ATP2C2: variants seen among roughly 807,000 people sequenced by gnomAD.
ATP2C2 encodes calcium-transporting ATPase type 2C member 2.
ATP2C2 carries 171 observed loss-of-function variants against 110.8 expected under a neutral mutation model. The ratio of observed to expected loss-of-function variants is 1.54; its 90% CI spans 1.36 to 1.75. ATP2C2 has a LOEUF of 1.75. ATP2C2 is among the 40% of genes most tolerant of loss of function. The pLI, the probability that ATP2C2 is intolerant of heterozygous loss-of-function variation, is 0.00. For synonymous variants in ATP2C2, 804 were observed against 508.4 expected (o/e 1.58, Z -7.82); for missense variants, 1,963 against 1,235.0 (o/e 1.59, Z -8.84).
intron 20 of ATP2C2, 57 bp downstream of exon 20, chr16:84,453,428 T>TTTTTTAACAGTTGCCA: frequency 6.2e-7 from 1 of 1,603,978 alleles, no homozygotes; most frequent in Non-Finnish European, 8.5e-7. Context: ...AGAGACACTG[T>TTTTTTAACAGTTGCCA]GGCTCGAGGA....
chr16:84,438,961 A>G (rs545167687), intron 11 of ATP2C2: 2 of 593,208 alleles, frequency 3.4e-6, no homozygotes, highest in African/African-American at 1.8e-5. Context: ...TCCCTTCCCA[A>G]GAGCGGGGTC....
chr16:84,388,235 G>C (rs147957950), intron 1 of ATP2C2, among the ~76,000 whole-genome samples: 1 of 152,118 alleles, frequency 6.6e-6, no homozygotes, highest in South Asian at 2.1e-4. Context: ...TGAGGCAAGA[G>C]AATGGCTTGA....
Position 84,446,321 on chromosome 16 carries a change from T to C in ATP2C2, c.1402-8T>C. ...ACTCACTAAAAATGTGTCATTTTATTATGCTAGATGGACTTAAGTGATATT... is the reference window on the plus strand; with the variant it reads ...ACTCACTAAAAATGTGTCATTTTATCATGCTAGATGGACTTAAGTGATATT... On this transcript the variant is annotated splice_region_variant and splice_polypyrimidine_tract_variant and intron_variant, in intron 15 of 26. Coordinates refer to ENST00000262429, the MANE Select transcript of ATP2C2 (RefSeq NM_014861.4). 1 of 1,520,450 alleles carries C rather than the reference T, an allele frequency of 6.6e-7. No individual in the cohort carries two copies. Among genetic ancestry groups the C allele is most frequent in the Non-Finnish European group, 8.9e-7 (1 of 1,119,126 alleles). 94.2% of individuals were successfully genotyped at this position (1,520,450 alleles called of 1,614,324 possible).
rs1264402793 is a variant in ATP2C2 at position 84,441,085 on chromosome 16, G to A, written c.1311+127G>A. On this transcript the variant is annotated intron_variant, in intron 14 of 26. Coordinates refer to ENST00000262429, the MANE Select transcript of ATP2C2 (RefSeq NM_014861.4). ...CAATGACTGGCCCATCCAGGGGTGA[G>A]GCTGGCACAGCACTGAAAAAATGGC... The A allele has an allele frequency of 7.4e-6, 6 of 806,534 alleles. No homozygotes were observed. The South Asian group carries it at 9.6e-5, about 13-fold the overall frequency. The allele number at this position is 806,534 out of a possible 1,614,324, so 50.0% of individuals were successfully genotyped here.
intron 2 of ATP2C2, among the ~76,000 whole-genome samples, chr16:84,398,850 G>T (rs1478276823): frequency 6.6e-6 from 1 of 152,180 alleles, no homozygotes; most frequent in African/African-American, 2.4e-5. Context: ...GACACTCTGT[G>T]TACGCTGCTT....
chr16:84,386,019 G>C (rs1039802859), intron 1 of ATP2C2, among the ~76,000 whole-genome samples: 2 of 152,208 alleles, frequency 1.3e-5, no homozygotes, highest in Non-Finnish European at 2.9e-5. Context: ...ACCCTTTCAA[G>C]GTGACTGCCA....
chr16:84,377,188 C>T (rs1368120806), intron 1 of ATP2C2, among the ~76,000 whole-genome samples: 1 of 152,006 alleles, frequency 6.6e-6, no homozygotes, highest in African/African-American at 2.4e-5. Flanking sequence ...TGTGCTAAGT[C>T]TTAGTAGTGG....
At chr16:84,432,741 G>C (rs113306528) in intron 11 of ATP2C2, among the ~76,000 whole-genome samples, 23,709 of 151,902 alleles carry the variant, frequency 0.16, 2,001 homozygotes, top group South Asian at 0.27. Flanking sequence ...GGCTCATCTC[G>C]AACTCCTGAC....
intron 7 of ATP2C2, among the ~76,000 whole-genome samples, chr16:84,420,851 G>C (rs1382114780): frequency 2.6e-5 from 4 of 152,106 alleles, no homozygotes; most frequent in Non-Finnish European, 5.9e-5. Context: ...TGTCACCCAG[G>C]CTGGAGTGCA....
intron 11 of ATP2C2, among the ~76,000 whole-genome samples, chr16:84,437,888 C>T (rs545962146): frequency 2.0e-5 from 3 of 152,224 alleles, no homozygotes; most frequent in Non-Finnish European, 4.4e-5. Context: ...CCACCTATGC[C>T]CACATCCCAG....
At chr16:84,410,539 A>G in intron 4 of ATP2C2, 29 bp from the exon 5 acceptor site, 5 of 1,612,432 alleles carry the variant, frequency 3.1e-6, no homozygotes, top group Non-Finnish European at 4.2e-6. Context: ...AGCCTCTGGT[A>G]CTGACACCCT....
At chr16:84,397,780 T>C (rs958032405) in intron 1 of ATP2C2, among the ~76,000 whole-genome samples, 2 of 151,530 alleles carry the variant, frequency 1.3e-5, no homozygotes, top group African/African-American at 4.9e-5. Flanking sequence ...TACAGTGGAA[T>C]ACTAAGCTGC....
chr16:84,448,623 C>T lies in ATP2C2; in HGVS notation c.1594C>T (p.Leu532=), dbSNP rs768890256. Residue 532 remains leucine, a synonymous_variant, in exon 17 of 27, where the codon CTG becomes TTG. Coordinates refer to ENST00000262429, the MANE Select transcript of ATP2C2 (RefSeq NM_014861.4). ...CAACAACGGGGGCATCCCCCTGCCGCTGACGCCCCAGCAGAGGTCATTCTG... is the reference window on the plus strand; with the variant it reads ...CAACAACGGGGGCATCCCCCTGCCGTTGACGCCCCAGCAGAGGTCATTCTG... ...MYNNGGIPLP[L]TPQQRSFCLQ... 1 of 1,614,102 alleles carries T rather than the reference C, an allele frequency of 6.2e-7. No homozygotes were observed. The highest frequency in any genetic ancestry group is 2.2e-5 in the East Asian group (1 of 44,870).
intron 11 of ATP2C2, 44 bp downstream of exon 11, chr16:84,425,845 T>C (rs1008920380): frequency 6.2e-7 from 1 of 1,600,066 alleles, no homozygotes; most frequent in Non-Finnish European, 8.6e-7. Context: ...GGGTGGTCAA[T>C]GGGCTCTGAG....
In ATP2C2 at chr16:84,422,414, T is replaced by C. The variant is rs1248390067; in HGVS notation, c.649T>C (p.Ser217Pro). ...GGTCACGGACCTCTTGGTGGATGAA[T>C]CCAGTTTCACCGGGGAAGCCGAGCC... ...TEVTDLLVDE[S>P]SFTGEAEPCS... The change falls in exon 8 of 27, where the codon TCC becomes CCC. Residue 217 changes from serine to proline, a missense_variant. By Grantham distance (74) the Ser-to-Pro change is moderately conservative. Transcript: ENST00000262429. 6.2e-7 allele frequency: 1 copy of C among 1,613,972 alleles called. No homozygotes were observed. Among genetic ancestry groups the C allele is most frequent in the Non-Finnish European group, 8.5e-7 (1 of 1,180,000 alleles).
At chr16:84,400,253 T>G (rs950338783) in intron 2 of ATP2C2, among the ~76,000 whole-genome samples, 3 of 152,194 alleles carry the variant, frequency 2.0e-5, no homozygotes, top group Non-Finnish European at 2.9e-5. Context: ...TCTTCAATAT[T>G]CTGATTTCCT....
chr16:84,450,879 A>G (rs1362003029), intron 17 of ATP2C2, among the ~76,000 whole-genome samples: 3 of 152,134 alleles, frequency 2.0e-5, no homozygotes, highest in Non-Finnish European at 2.9e-5. Flanking sequence ...GAGTTAGCAC[A>G]GAGCAAATGA....
chr16:84,376,505 T>C (rs912842937), intron 1 of ATP2C2, among the ~76,000 whole-genome samples: 5 of 152,004 alleles, frequency 3.3e-5, no homozygotes, highest in South Asian at 2.1e-4. Flanking sequence ...TTGTCAACTT[T>C]CTTAACACAT....
chr16:84,420,920 C>T (rs779525483), intron 7 of ATP2C2, among the ~76,000 whole-genome samples: 1 of 152,174 alleles, frequency 6.6e-6, no homozygotes, highest in African/African-American at 2.4e-5. Flanking sequence ...ATTCTCCTGC[C>T]TCAGCCTCCT....
Sources: allele counts gnomAD v4.1 joint callset (sites outside exome capture counted in the v4.1 genomes callset), GRCh38; gene constraint gnomAD v4.1.1; transcripts MANE v1.5; gene names NCBI Gene and HGNC (gene_info 2026-07-23, HGNC 2026-07-21).